SRF: variants seen among roughly 807,000 people sequenced by gnomAD.
The protein encoded by SRF is serum response factor.
Under a neutral mutation model 37.1 loss-of-function variants are expected in SRF, and 7 were observed. That is an observed-to-expected ratio of 0.19 (90% CI 0.11 to 0.35). The LOEUF (loss-of-function observed/expected upper bound fraction) is 0.35. SRF is among the 10% of genes least tolerant of loss of function. The pLI is 1.00. For synonymous variants in SRF, 285 were observed against 310.1 expected (o/e 0.92, Z 0.85); for missense variants, 395 against 694.4 (o/e 0.57, Z 4.85).
At chr6:43,175,590 C>T (rs1199232239) in intron 2 of SRF, 116 bp from the exon 3 acceptor site, 16 of 1,333,816 alleles carry the variant, frequency 1.2e-5, no homozygotes, top group South Asian at 3.9e-5. Flanking sequence ...TAAATGGTGG[C>T]GTTGGGATTT....
Position 43,179,279 on chromosome 6 carries a change from G to A in SRF, c.*89G>A, listed in dbSNP as rs991011105. ...ACGTTTTCTTTACACACACGTTGACGGGCCGCAGGAGGGAGGCGGGGAGGA... is the reference window on the plus strand; with the variant it reads ...ACGTTTTCTTTACACACACGTTGACAGGCCGCAGGAGGGAGGCGGGGAGGA... On this transcript the variant is annotated 3_prime_UTR_variant, in exon 7 of 7. Transcript: ENST00000265354. This position sits in a 1 kb window ranked among gnomAD's most constrained non-coding sequence, Gnocchi z 5.3. 2.2e-5 allele frequency: 31 copies of A among 1,415,848 alleles called. No individual in the cohort carries two copies. The highest frequency in any genetic ancestry group is 2.8e-5 in the African/African-American group (2 of 71,174). The allele number at this position is 1,415,848 out of a possible 1,614,324, so 87.7% of individuals were successfully genotyped here.
In SRF at chr6:43,178,579, A is replaced by G. The variant is rs756473239; in HGVS notation, c.1354+94A>G. The G allele has an allele frequency of 4.8e-6, 7 of 1,456,910 alleles. No individual in the cohort carries two copies. Among genetic ancestry groups the G allele is most frequent in the South Asian group, 1.3e-5 (1 of 79,298 alleles). 90.2% of individuals were successfully genotyped at this position (1,456,910 alleles called of 1,614,324 possible). A position where few individuals can be genotyped will look rare whatever the true frequency, so the allele number is the denominator to read the frequency against. On this transcript the variant is annotated intron_variant, in intron 5 of 6. Transcript: ENST00000265354. This position sits in a 1 kb window ranked among gnomAD's most constrained non-coding sequence, Gnocchi z 4.3. The stretch of plus-strand genomic sequence containing the variant: ...TACACACACATATGCACTGATGCCT[A>G]CAAATATTTCTACCCAAATACAACA...
In SRF at chr6:43,171,786, G is replaced by C; in HGVS notation, c.130G>C (p.Val44Leu). The C allele has an allele frequency of 2.5e-6, 3 of 1,216,992 alleles. No individual in the cohort carries two copies. Among genetic ancestry groups the C allele is most frequent in the Non-Finnish European group, 3.1e-6 (3 of 978,864 alleles). The allele number at this position is 1,216,992 out of a possible 1,614,324, so 75.4% of individuals were successfully genotyped here. ...GACACGCGGGGCTAACGGGGGCCGG[G>C]TCCCCGGGAATGGCGCGGGGCTCGG... is the stretch of plus-strand genomic sequence containing the variant. ...GGTRGANGGR[V>L]PGNGAGLGPG... Residue 44 changes from valine to leucine, a missense_variant, in exon 1 of 7, where the codon GTC becomes CTC. Physicochemically the swap from Val to Leu is conservative, Grantham distance 32 (BLOSUM62 1). This residue lies in a region of SRF where 134 missense variants were observed against 204.5 expected (regional missense o/e 0.66). Coordinates refer to ENST00000265354, the MANE Select transcript of SRF (RefSeq NM_003131.4). This position sits in a 1 kb window ranked among gnomAD's most constrained non-coding sequence, Gnocchi z 6.5.
At chr6:43,177,334 A>G (rs530066068) in intron 4 of SRF, among the ~76,000 whole-genome samples, 17 of 147,250 alleles carry the variant, frequency 1.2e-4, no homozygotes, top group African/African-American at 3.6e-4. Flanking sequence ...GGTTCACGCT[A>G]TTCTCCTGCC....
intron 2 of SRF, 24 bp downstream of exon 2, chr6:43,174,137 G>A (rs1238287548): frequency 1.9e-6 from 3 of 1,612,334 alleles, no homozygotes; most frequent in South Asian, 2.2e-5. Context: ...GCCTATGTGA[G>A]AGGAGGGAAG....
At position 43,172,860 on chromosome 6, in the gene SRF, A is replaced by G. The variant is rs1772134463; in HGVS notation, c.513+691A>G. 6.6e-6 allele frequency among the ~76,000 whole-genome samples: 1 copy of G among 152,106 alleles called. No homozygotes were observed. The highest frequency in any genetic ancestry group is 1.5e-5 in the Non-Finnish European group (1 of 67,998). ...AGTGGGGTTTCCAGCCCTAGGGAGA[A>G]TCTATGCTTGGATGGGGTTTGGGGG... On this transcript the variant is annotated intron_variant, in intron 1 of 6. Coordinates refer to ENST00000265354, the MANE Select transcript of SRF (RefSeq NM_003131.4). This position sits in a 1 kb window ranked among gnomAD's most constrained non-coding sequence, Gnocchi z 5.7.
chr6:43,178,441 C>T lies in SRF; in HGVS notation c.1310C>T (p.Ala437Val), dbSNP rs1009337668. Residue 437 changes from alanine to valine, a missense_variant, in exon 5 of 7, where the codon GCA (alanine) becomes GTA (valine). By Grantham distance (64) the Ala-to-Val change is moderately conservative. Around this residue, in one of 4 missense-constraint regions of SRF, gnomAD observed 232 missense variants for 335.6 expected, o/e 0.69. Transcript: ENST00000265354. This position sits in a 1 kb window ranked among gnomAD's most constrained non-coding sequence, Gnocchi z 4.3. ...ACCGTGCTGAATGCCTTCTCCCAGG[C>T]ACCATCCACCATGCAGGTGTCACAC... ...SLTVLNAFSQAPSTMQVSHSQ... is the reference protein window; with the variant it reads ...SLTVLNAFSQVPSTMQVSHSQ... The T allele has an allele frequency of 1.9e-6, 3 of 1,613,980 alleles. No homozygotes were observed. The highest frequency in any genetic ancestry group is 2.5e-6 in the Non-Finnish European group (3 of 1,180,028).
chr6:43,171,643 C>A lies in SRF; in HGVS notation c.-14C>A. On this transcript the variant is annotated 5_prime_UTR_variant, in exon 1 of 7. The change creates a new upstream start codon in the 5' untranslated region. Transcript: ENST00000265354. This position sits in a 1 kb window ranked among gnomAD's most constrained non-coding sequence, Gnocchi z 6.5. ...CCTCGCTGACTGCCCGTCCGCCCTC[C>A]TGCATCGAGCGCCATGTTACCGACC... 8.3e-7 allele frequency: 1 copy of A among 1,206,988 alleles called. No individual in the cohort carries two copies. Among genetic ancestry groups the A allele is most frequent in the Non-Finnish European group, 1.0e-6 (1 of 970,252 alleles). The allele number at this position is 1,206,988 out of a possible 1,614,324, so 74.8% of individuals were successfully genotyped here.
chr6:43,179,139 C>A lies in SRF; in HGVS notation c.1476C>A (p.Thr492=). 1 of 1,614,226 alleles carries A rather than the reference C, an allele frequency of 6.2e-7. No individual in the cohort carries two copies. Among genetic ancestry groups the A allele is most frequent in the South Asian group, 1.1e-5 (1 of 91,084 alleles). The change falls in exon 7 of 7, where the codon ACC becomes ACA. Residue 492 remains threonine (T), a synonymous_variant. Coordinates refer to ENST00000265354, the MANE Select transcript of SRF (RefSeq NM_003131.4). The surrounding 1 kb of genome is among the most constrained non-coding windows in gnomAD (Gnocchi z 5.3). ...AGGCCGGGAGCAGCAGCAACCTCAC[C>A]GAGCTACAGGTGGTGAACCTGGACA... ...GQQAGSSSNL[T]ELQVVNLDTA... is the part of the protein sequence containing the mutation.
rs1296120869 is a variant in SRF at position 43,180,085 on chromosome 6, C to T, written c.*895C>T. 6.6e-6 allele frequency: 1 copy of T among 152,162 alleles called. No individual in the cohort carries two copies. The highest frequency in any genetic ancestry group is 1.5e-5 in the Non-Finnish European group (1 of 68,024). The allele number at this position is 152,162 out of a possible 1,614,324, so 9.4% of individuals were successfully genotyped here. A position where few individuals can be genotyped will look rare whatever the true frequency, so the allele number is the denominator to read the frequency against. On this transcript the variant is annotated 3_prime_UTR_variant, in exon 7 of 7. Coordinates refer to ENST00000265354, the MANE Select transcript of SRF (RefSeq NM_003131.4). ...GCCACCCCATGAGCTCGGGGTCCAC[C>T]AGTGTGTGGGGGAGATTCTGGGTTT...
At position 43,171,988 on chromosome 6, in the gene SRF, T is replaced by C. The variant is rs1316630964; in HGVS notation, c.332T>C (p.Val111Ala). 6.4e-7 allele frequency: 1 copy of C among 1,559,010 alleles called. No homozygotes were observed. Among genetic ancestry groups the C allele is most frequent in the African/African-American group, 1.4e-5 (1 of 73,354 alleles). The change falls in exon 1 of 7, where the codon GTC becomes GCC. Residue 111 changes from valine to alanine, a missense_variant. Val to Ala is a moderately conservative substitution (Grantham distance 64). Around this residue, in one of 4 missense-constraint regions of SRF, gnomAD observed 134 missense variants for 204.5 expected, o/e 0.66. Transcript: ENST00000265354. This position sits in a 1 kb window ranked among gnomAD's most constrained non-coding sequence, Gnocchi z 6.5. ...SLSEMEIGMV[V>A]GGPEASAAAT... ...AGCGAGATGGAGATCGGTATGGTGG[T>C]CGGTGGGCCCGAGGCGTCGGCAGCG...
chr6:43,175,592 T>C (rs1582254505), intron 2 of SRF, 114 bp from the exon 3 acceptor site: 2 of 1,385,834 alleles, frequency 1.4e-6, no homozygotes, highest in Middle Eastern at 1.8e-4. Context: ...AATGGTGGCG[T>C]TGGGATTTGA....
rs559972491 is a variant in SRF at position 43,180,529 on chromosome 6, C to T, written c.*1339C>T. On this transcript the variant is annotated 3_prime_UTR_variant, in exon 7 of 7. Transcript: ENST00000265354. The stretch of plus-strand genomic sequence containing the variant: ...CTACTGTAACTTTTTTAAATTAAGA[C>T]AAAAAGCCTTGAAGAAAATGACTTT... 6.5e-6 allele frequency: 1 copy of T among 152,718 alleles called. No homozygotes were observed. Among genetic ancestry groups the T allele is most frequent in the South Asian group, 2.1e-4 (1 of 4,828 alleles). The allele number at this position is 152,718 out of a possible 1,614,324, so 9.5% of individuals were successfully genotyped here.
At position 43,171,689 on chromosome 6, in the gene SRF, TCTGGGCCGGGGCTCGGCC is replaced by T. The variant is rs1772102323; in HGVS notation, c.39_56del (p.Arg14_Gly19del). 8 of 1,211,060 alleles carry T rather than the reference TCTGGGCCGGGGCTCGGCC, an allele frequency of 6.6e-6. No homozygotes were observed. The highest frequency in any genetic ancestry group is 8.2e-6 in the Non-Finnish European group (8 of 973,146). The allele number at this position is 1,211,060 out of a possible 1,614,324, so 75.0% of individuals were successfully genotyped here. On this transcript the variant is annotated inframe_deletion, in exon 1 of 7. Coordinates refer to ENST00000265354, the MANE Select transcript of SRF (RefSeq NM_003131.4). The surrounding 1 kb of genome is among the most constrained non-coding windows in gnomAD (Gnocchi z 6.5). ...CGACCCAAGCTGGGGCCGCGGCGGC[TCTGGGCCGGGGCTCGGCC>T]CTGGGGGGCAGCCTGAACCGGACCC...
Position 43,176,062 on chromosome 6 carries a change from C to G in SRF, c.1042+95C>G, listed in dbSNP as rs1772192273. The G allele has an allele frequency of 1.3e-6, 2 of 1,502,284 alleles. No individual in the cohort carries two copies. The highest frequency in any genetic ancestry group is 4.7e-5 in the East Asian group (2 of 42,504). 93.1% of individuals were successfully genotyped at this position (1,502,284 alleles called of 1,614,324 possible). A position where few individuals can be genotyped will look rare whatever the true frequency, so the allele number is the denominator to read the frequency against. On this transcript the variant is annotated intron_variant, in intron 3 of 6. Coordinates refer to ENST00000265354, the MANE Select transcript of SRF (RefSeq NM_003131.4). The surrounding 1 kb of genome is among the most constrained non-coding windows in gnomAD (Gnocchi z 4.0). ...GGGCTGGCACCAAGAGAACCTCTTT[C>G]CCTGCTCAGAAGGAAGGTGAATAGG...
In SRF at chr6:43,176,805, T is replaced by G; in HGVS notation, c.1162+138T>G. 4 of 1,309,392 alleles carry G rather than the reference T, an allele frequency of 3.1e-6. No homozygotes were observed. Among genetic ancestry groups the G allele is most frequent in the Non-Finnish European group, 4.2e-6 (4 of 961,518 alleles). 81.1% of individuals were successfully genotyped at this position (1,309,392 alleles called of 1,614,324 possible). Reference sequence around the variant, plus strand: ...AGATTGAGGCTTTGGGCCTAATAATTATGGGGAAGTCAGGTGAGGATGACT... The same window carrying G: ...AGATTGAGGCTTTGGGCCTAATAATGATGGGGAAGTCAGGTGAGGATGACT... On this transcript the variant is annotated intron_variant, in intron 4 of 6. Transcript: ENST00000265354. This position sits in a 1 kb window ranked among gnomAD's most constrained non-coding sequence, Gnocchi z 4.0.
Position 43,176,412 on chromosome 6 carries a change from T to C in SRF, c.1043-136T>C. On this transcript the variant is annotated intron_variant, in intron 3 of 6. Coordinates refer to ENST00000265354, the MANE Select transcript of SRF (RefSeq NM_003131.4). The surrounding 1 kb of genome is among the most constrained non-coding windows in gnomAD (Gnocchi z 4.0). Reference sequence around the variant, plus strand: ...AGTGGATACTTGGGCCTGAAGGGCCTCTTTGGCTTCCAGGAAAGATAGTGA... The same window carrying C: ...AGTGGATACTTGGGCCTGAAGGGCCCCTTTGGCTTCCAGGAAAGATAGTGA... The C allele has an allele frequency of 4.3e-6, 6 of 1,408,624 alleles. No individual in the cohort carries two copies. The highest frequency in any genetic ancestry group is 5.8e-6 in the Non-Finnish European group (6 of 1,025,850). 87.3% of individuals were successfully genotyped at this position (1,408,624 alleles called of 1,614,324 possible).
chr6:43,176,772 TA>T lies in SRF; in HGVS notation c.1162+108del. Reference sequence around the variant, plus strand: ...CTGTAACTAAAGTCAGGGGATTTCTTAAAGTGGAGATTGAGGCTTTGGGCCT... The same window carrying T: ...CTGTAACTAAAGTCAGGGGATTTCTTAAGTGGAGATTGAGGCTTTGGGCCT... On this transcript the variant is annotated intron_variant, in intron 4 of 6. Transcript: ENST00000265354. This position sits in a 1 kb window ranked among gnomAD's most constrained non-coding sequence, Gnocchi z 4.0. The T allele has an allele frequency of 6.8e-7, 1 of 1,480,180 alleles. No homozygotes were observed. Among genetic ancestry groups the T allele is most frequent in the Non-Finnish European group, 9.1e-7 (1 of 1,092,970 alleles). The allele number at this position is 1,480,180 out of a possible 1,614,324, so 91.7% of individuals were successfully genotyped here.
Position 43,178,990 on chromosome 6 carries a change from C to T in SRF, c.1432-105C>T, listed in dbSNP as rs927707862. 23 of 1,565,498 alleles carry T rather than the reference C, an allele frequency of 1.5e-5. No homozygotes were observed. Among genetic ancestry groups the T allele is most frequent in the Non-Finnish European group, 1.8e-5 (21 of 1,136,602 alleles). On this transcript the variant is annotated intron_variant, in intron 6 of 6. Coordinates refer to ENST00000265354, the MANE Select transcript of SRF (RefSeq NM_003131.4). The surrounding 1 kb of genome is among the most constrained non-coding windows in gnomAD (Gnocchi z 4.3). Reference sequence around the variant, plus strand: ...AGCCAAAATCCCTAGCCTGGAAGCCCATCTGCTTTTCTGCTCAGGCCTGTG... The same window carrying T: ...AGCCAAAATCCCTAGCCTGGAAGCCTATCTGCTTTTCTGCTCAGGCCTGTG...
Sources: allele counts gnomAD v4.1 joint callset (sites outside exome capture counted in the v4.1 genomes callset), GRCh38; gene constraint gnomAD v4.1.1; regional missense constraint gnomAD v4.1.1; non-coding constraint Gnocchi (gnomAD v3.1); transcripts MANE v1.5; gene names NCBI Gene and HGNC (gene_info 2026-07-23, HGNC 2026-07-21).